SLC1A2: variants seen among roughly 807,000 people sequenced by gnomAD.
The protein encoded by SLC1A2 is solute carrier family 1 member 2.
SLC1A2 carries 15 observed loss-of-function variants against 48.8 expected under a neutral mutation model. That is an observed-to-expected ratio of 0.31 (90% CI 0.21 to 0.47). SLC1A2 has a LOEUF of 0.47. Among genes scored for constraint, SLC1A2 ranks in the 20% least tolerant of loss-of-function variants. SLC1A2 has a pLI of 0.99. For synonymous variants in SLC1A2, 279 were observed against 272.6 expected (o/e 1.02, Z -0.23); for missense variants, 502 against 730.5 (o/e 0.69, Z 3.61).
chr11:35,376,406 C>T (rs1033748794), intron 1 of SLC1A2, among the ~76,000 whole-genome samples: 2 of 152,058 alleles, frequency 1.3e-5, no homozygotes, highest in Non-Finnish European at 1.5e-5. Context: ...TTCTTAGTTT[C>T]GATCAATGCT....
chr11:35,383,546 G>A (rs1360614070), intron 1 of SLC1A2, among the ~76,000 whole-genome samples: 1 of 152,198 alleles, frequency 6.6e-6, no homozygotes, highest in Non-Finnish European at 1.5e-5. Context: ...ACTAGGGCAA[G>A]TTACCCAGAT....
Position 35,397,382 on chromosome 11 carries a change from A to C in SLC1A2, c.17+21568T>G, listed in dbSNP as rs1311763574. 4.2e-5 allele frequency among the ~76,000 whole-genome samples: 6 copies of C among 144,268 alleles called. No individual in the cohort carries two copies. The Admixed American group carries it at 4.2e-4, about 10-fold the overall frequency. 94.6% of individuals were successfully genotyped at this position (144,268 alleles called of 152,430 possible). On this transcript the variant is annotated intron_variant, in intron 1 of 10. Coordinates refer to ENST00000278379, the MANE Select transcript of SLC1A2 (RefSeq NM_004171.4). Reference sequence around the variant, plus strand: ...CCCTCAGAAATAACGCCGCATACCTACAACTATCTGATCTTTGACAAACCT... The same window carrying C: ...CCCTCAGAAATAACGCCGCATACCTCCAACTATCTGATCTTTGACAAACCT...
intron 1 of SLC1A2, among the ~76,000 whole-genome samples, chr11:35,376,250 G>A (rs1402486518): frequency 2.6e-5 from 4 of 151,618 alleles, no homozygotes; most frequent in Non-Finnish European, 4.4e-5. Flanking sequence ...TGGAAAGACC[G>A]AGGAACTATC....
At chr11:35,265,173 G>C (rs1950460515) in intron 10 of SLC1A2, 1 of 315,744 alleles carries the variant, frequency 3.2e-6, no homozygotes, top group Admixed American at 4.6e-5. Flanking sequence ...TTGATCTCCT[G>C]ACCTCGTGAT....
At chr11:35,287,447 G>C (rs1271628907) in intron 7 of SLC1A2, among the ~76,000 whole-genome samples, 1 of 152,186 alleles carries the variant, frequency 6.6e-6, no homozygotes, top group Middle Eastern at 3.2e-3. Flanking sequence ...ATTGTCCTGA[G>C]CTGGACTTGC....
intron 1 of SLC1A2, chr11:35,380,678 A>C: frequency 3.3e-6 from 1 of 303,984 alleles, no homozygotes; most frequent in Non-Finnish European, 6.0e-6. Flanking sequence ...AAATAAATAA[A>C]AGGGCTGCGT....
At chr11:35,381,034 A>G (rs1210262263) in intron 1 of SLC1A2, among the ~76,000 whole-genome samples, 3 of 152,278 alleles carry the variant, frequency 2.0e-5, no homozygotes, top group Non-Finnish European at 4.4e-5. Context: ...TACAGAGCTC[A>G]GGTATAAGTT....
chr11:35,389,204 T>C (rs1423298977), intron 1 of SLC1A2, among the ~76,000 whole-genome samples: 3 of 152,128 alleles, frequency 2.0e-5, no homozygotes, highest in African/African-American at 7.2e-5. Context: ...TTTAAAGCAA[T>C]ACCTCTTTAA....
At chr11:35,301,939 C>T (rs1851369246) in intron 5 of SLC1A2, among the ~76,000 whole-genome samples, 1 of 152,188 alleles carries the variant, frequency 6.6e-6, no homozygotes, top group Non-Finnish European at 1.5e-5. Context: ...CTTTTCCCTC[C>T]CCTCACTTAT....
chr11:35,299,562 G>A (rs1390548510), intron 6 of SLC1A2: 1 of 152,050 alleles, frequency 6.6e-6, no homozygotes, highest in Admixed American at 6.6e-5. Flanking sequence ...ACAATGATCT[G>A]AACAAGCCAG....
intron 1 of SLC1A2, among the ~76,000 whole-genome samples, chr11:35,344,551 C>G (rs750479332): frequency 6.6e-6 from 1 of 152,170 alleles, no homozygotes; most frequent in Non-Finnish European, 1.5e-5. Context: ...ACTTTCCTTA[C>G]AATTTCAGAC....
At chr11:35,299,687 A>G (rs1851289898) in intron 6 of SLC1A2, 1 of 147,776 alleles carries the variant, frequency 6.8e-6, no homozygotes, top group East Asian at 2.1e-4. Context: ...CTACAGGCAC[A>G]TCACCATGTT....
intron 1 of SLC1A2, chr11:35,322,525 C>T: frequency 3.1e-6 from 4 of 1,284,912 alleles, no homozygotes; most frequent in Admixed American, 4.0e-5. Context: ...TGTGTTTCTC[C>T]TGGAGGATGT....
At chr11:35,312,998 A>AT (rs1192713579) in intron 3 of SLC1A2, among the ~76,000 whole-genome samples, 10 of 152,196 alleles carry the variant, frequency 6.6e-5, no homozygotes, top group Non-Finnish European at 1.3e-4. Flanking sequence ...TCTGTAACAA[A>AT]TTTTTTGTCA....
In SLC1A2 at chr11:35,328,188, C is replaced by T. The variant is rs139379250; in HGVS notation, c.18-10672G>A. ...TCAACTGACTCCTCCCTTCAGGCAACGAGGGCACACAGGAACCATCCTATT... is the reference window on the plus strand; with the variant it reads ...TCAACTGACTCCTCCCTTCAGGCAATGAGGGCACACAGGAACCATCCTATT... On this transcript the variant is annotated intron_variant, in intron 1 of 10. Transcript: ENST00000278379. Among the ~76,000 whole-genome samples, 15 of 152,250 alleles carry T rather than the reference C, an allele frequency of 9.9e-5. No homozygotes were observed. The East Asian group carries it at 1.9e-3, about 20-fold the overall frequency.
At chr11:35,402,690 C>T (rs2135275648) in intron 1 of SLC1A2, among the ~76,000 whole-genome samples, 1 of 152,310 alleles carries the variant, frequency 6.6e-6, no homozygotes, top group South Asian at 2.1e-4. Context: ...GTGAAGGCAA[C>T]CTCATGGGAC....
chr11:35,286,568 G>A (rs1850827016), intron 8 of SLC1A2, 189 bp downstream of exon 8: 1 of 470,040 alleles, frequency 2.1e-6, no homozygotes, highest in Non-Finnish European at 3.8e-6. Context: ...CAAACAGGAG[G>A]TATTAATAAG....
intron 1 of SLC1A2, among the ~76,000 whole-genome samples, chr11:35,394,089 G>A (rs1403339171): frequency 6.6e-6 from 1 of 151,718 alleles, no homozygotes; most frequent in Non-Finnish European, 1.5e-5. Context: ...ACCTCCTTTT[G>A]CCCCAGCCCT....
At chr11:35,380,667 T>C (rs963838026) in intron 1 of SLC1A2, 30 of 331,792 alleles carry the variant, frequency 9.0e-5, no homozygotes, top group Non-Finnish European at 1.3e-4. Context: ...AAAAACAAAA[T>C]AAATAAATAA....
Sources: gnomAD v4.1 joint callset for allele counts (sites outside exome capture counted in the v4.1 genomes callset) on GRCh38, gnomAD v4.1.1 for gene constraint, MANE v1.5 for transcripts, NCBI Gene and HGNC (gene_info 2026-07-23, HGNC 2026-07-21) for gene names.